Variants in NPAT observed in about 807,000 individuals in gnomAD.
NPAT encodes the protein nuclear protein, coactivator of histone transcription, also known as protein NPAT.
NPAT carries 52 observed loss-of-function variants against 130.7 expected under a neutral mutation model. That is an observed-to-expected ratio of 0.40 (90% confidence interval 0.32 to 0.50). The LOEUF (loss-of-function observed/expected upper bound fraction) is 0.50. Ranked by LOEUF, NPAT falls within the 20% of genes least tolerant of loss-of-function variation. NPAT has a pLI of 0.68. For synonymous variants in NPAT, 580 were observed against 584.8 expected (o/e 0.99, Z 0.12); for missense variants, 1,687 against 1,662.6 (o/e 1.01, Z -0.26).
At chr11:108,214,129 C>T (rs1446295671) in intron 1 of NPAT, among the ~76,000 whole-genome samples, 1 of 152,188 alleles carries the variant, frequency 6.6e-6, no homozygotes, top group East Asian at 1.9e-4. Context: ...CCCCTGGCTT[C>T]AAGCAATCCT....
rs751161125 is a variant in NPAT at position 108,170,020 on chromosome 11, G to C, written c.2809C>G (p.Pro937Ala). The C allele has an allele frequency of 3.2e-5, 52 of 1,612,422 alleles. No homozygotes were observed. The highest frequency in any genetic ancestry group is 4.3e-5 in the Non-Finnish European group (51 of 1,178,682). ...ATTCCTTGGAGTACAGGCTGGACTG[G>C]AGAGGCAATTATTATGGCAGATCCT... The part of the protein sequence containing the change: ...SQGSAIIIAS[P>A]VQPVLQGMVG... Residue 937 changes from proline (P) to alanine (A), a missense_variant, in exon 14 of 18, where the codon CCA becomes GCA. Pro to Ala is a conservative substitution (Grantham distance 27). This residue lies in a region of NPAT where 1,379 missense variants were observed against 1,346.6 expected (regional missense o/e 1.02). Transcript: ENST00000278612.
chr11:108,159,289 T>C (rs548830863), intron 17 of NPAT, among the ~76,000 whole-genome samples: 2 of 152,328 alleles, frequency 1.3e-5, no homozygotes, highest in East Asian at 1.9e-4. Flanking sequence ...TGAGACAAGA[T>C]AGAACATGCT....
chr11:108,206,293 G>T (rs2078324656), intron 1 of NPAT, among the ~76,000 whole-genome samples: 1 of 152,134 alleles, frequency 6.6e-6, no homozygotes, highest in African/African-American at 2.4e-5. Flanking sequence ...GTTTTGCTAG[G>T]GCCTGCTGGG....
chr11:108,212,638 C>G (rs1395528850), intron 1 of NPAT, among the ~76,000 whole-genome samples: 1 of 151,132 alleles, frequency 6.6e-6, no homozygotes, highest in Non-Finnish European at 1.5e-5. Flanking sequence ...AAAACAACAA[C>G]AACAACAACA....
chr11:108,185,565 G>C, intron 8 of NPAT, 71 bp from the exon 9 acceptor site: 5 of 1,028,382 alleles, frequency 4.9e-6, no homozygotes, highest in Non-Finnish European at 7.5e-6. Flanking sequence ...TATAAGAAAA[G>C]AACAAACCGA....
chr11:108,212,460 G>A (rs1314981160), intron 1 of NPAT, among the ~76,000 whole-genome samples: 2 of 151,662 alleles, frequency 1.3e-5, no homozygotes, highest in Non-Finnish European at 2.9e-5. Flanking sequence ...GGGAGGTGGA[G>A]GTTGCAGTGA....
chr11:108,176,139 A>C, intron 12 of NPAT, 107 bp downstream of exon 12: 2 of 859,810 alleles, frequency 2.3e-6, no homozygotes, highest in Non-Finnish European at 3.8e-6. Flanking sequence ...AAAATGACCT[A>C]TAACAATCTG....
At chr11:108,204,646 A>G (rs971667062) in intron 1 of NPAT, among the ~76,000 whole-genome samples, 3 of 152,226 alleles carry the variant, frequency 2.0e-5, no homozygotes, top group Non-Finnish European at 4.4e-5. Flanking sequence ...GCCGCCCCAC[A>G]TGACAGGAAG....
At chr11:108,184,566 T>C (rs1034268175) in intron 10 of NPAT, among the ~76,000 whole-genome samples, 11 of 152,280 alleles carry the variant, frequency 7.2e-5, no homozygotes, top group African/African-American at 2.6e-4. Context: ...GGTCTTGCTC[T>C]GTCACCCAGG....
In NPAT at chr11:108,207,035, A is replaced by G. The variant is rs539623316; in HGVS notation, c.38-9615T>C. Among the ~76,000 whole-genome samples, 4 of 151,692 alleles carry G rather than the reference A, an allele frequency of 2.6e-5. No homozygotes were observed. The South Asian group carries it at 6.3e-4, about 24-fold the overall frequency. ...CAGTGGGTAGCTCCTTTCTGCAGGCAAGTCATCCTGACGAGTGTCCAACTC... is the reference window on the plus strand; with the variant it reads ...CAGTGGGTAGCTCCTTTCTGCAGGCGAGTCATCCTGACGAGTGTCCAACTC... On this transcript the variant is annotated intron_variant, in intron 1 of 17. Coordinates refer to ENST00000278612, the MANE Select transcript of NPAT (RefSeq NM_002519.3).
chr11:108,214,004 C>T (rs2078408955), intron 1 of NPAT, among the ~76,000 whole-genome samples: 1 of 152,126 alleles, frequency 6.6e-6, no homozygotes, highest in Non-Finnish European at 1.5e-5. Flanking sequence ...CCTCCCACTT[C>T]AGCCAACCCA....
At chr11:108,160,424 A>T (rs898235738) in intron 17 of NPAT, among the ~76,000 whole-genome samples, 1 of 152,214 alleles carries the variant, frequency 6.6e-6, no homozygotes, top group Non-Finnish European at 1.5e-5. Context: ...TGGGGGAAAA[A>T]AAAAACTGAA....
rs1465148021 is a variant in NPAT, at chr11:108,189,145, C to T, written c.517G>A (p.Val173Ile). ...QISDPSRSYF[V>I]VVNHSQSQDT... The stretch of plus-strand genomic sequence containing the variant: ...TGTGACTGTGAGTGGTTGACCACTA[C>T]AAAATATGACCTCGATGGATCTGAA... The change falls in exon 6 of 18, where the codon GTA (valine) becomes ATA (isoleucine). Residue 173 changes from valine (V) to isoleucine (I), a missense_variant. Val to Ile is a conservative substitution (Grantham distance 29, BLOSUM62 3). Around this residue, in one of 3 missense-constraint regions of NPAT, gnomAD observed 307 missense variants for 298.9 expected, o/e 1.03. Transcript: ENST00000278612. 3 of 1,614,140 alleles carry T rather than the reference C, an allele frequency of 1.9e-6. No homozygotes were observed. Among genetic ancestry groups the T allele is most frequent in the Non-Finnish European group, 2.5e-6 (3 of 1,180,032 alleles).
At chr11:108,199,125 G>A (rs934889014) in intron 1 of NPAT, among the ~76,000 whole-genome samples, 6 of 152,220 alleles carry the variant, frequency 3.9e-5, no homozygotes, top group Non-Finnish European at 8.8e-5. Context: ...CCATGCTGTG[G>A]GCGGTGGGAA....
At position 108,169,688 on chromosome 11, in the gene NPAT, G is replaced by A. The variant is rs79424426; in HGVS notation, c.3010+56C>T. On this transcript the variant is annotated intron_variant, in intron 15 of 17. Coordinates refer to ENST00000278612, the MANE Select transcript of NPAT (RefSeq NM_002519.3). ...AGAAAGAAAACATTTAGGTGTTGCTGCAAACAAATGAACATACAAACATAA... is the reference window on the plus strand; with the variant it reads ...AGAAAGAAAACATTTAGGTGTTGCTACAAACAAATGAACATACAAACATAA... The A allele has an allele frequency of 2.4e-4, 298 of 1,243,548 alleles. 3 individuals are homozygous for A. In the East Asian group the frequency reaches 6.2e-3, roughly 26 times the overall value. The allele number at this position is 1,243,548 out of a possible 1,614,324, so 77.0% of individuals were successfully genotyped here.
Position 108,173,357 on chromosome 11 carries a change from T to G in NPAT, c.1627A>C (p.Lys543Gln). 6.2e-7 allele frequency: 1 copy of G among 1,613,638 alleles called. No homozygotes were observed. Among genetic ancestry groups the G allele is most frequent in the South Asian group, 1.1e-5 (1 of 91,072 alleles). The change falls in exon 13 of 18, where the codon AAG (lysine) becomes CAG (glutamine). Residue 543 changes from lysine (K) to glutamine (Q), a missense_variant. Physicochemically the swap from Lys to Gln is moderately conservative, Grantham distance 53. Transcript: ENST00000278612. The stretch of plus-strand genomic sequence containing the variant: ...CAAAATTGACTTTTTTTAGATGGCT[T>G]TCCAGTTAATGAAGTATCTTGGGAT... ...LLSQDTSLTG[K>Q]PSKKSQFCEN...
At chr11:108,218,456 GTAATT>G (rs1464694928) in intron 1 of NPAT, among the ~76,000 whole-genome samples, 1 of 152,166 alleles carries the variant, frequency 6.6e-6, no homozygotes, top group East Asian at 1.9e-4. Context: ...AGAAAGATTA[GTAATT>G]TAATGTTCGT....
chr11:108,222,589 AAC>A lies in NPAT; in HGVS notation c.-55_-54del. 7 of 1,602,054 alleles carry A rather than the reference AAC, an allele frequency of 4.4e-6. No homozygotes were observed. Among genetic ancestry groups the A allele is most frequent in the Non-Finnish European group, 5.1e-6 (6 of 1,170,476 alleles). ...AAGGAACAAGACTCAGGTTAAAGCA[AAC>A]ACAGCGACAGCTCCTGCGCCGCATC... On this transcript the variant is annotated 5_prime_UTR_variant, in exon 1 of 18. An upstream open reading frame in the 5' UTR gains an earlier in-frame stop. Coordinates refer to ENST00000278612, the MANE Select transcript of NPAT (RefSeq NM_002519.3).
chr11:108,183,738 T>C (rs994701635), intron 10 of NPAT, among the ~76,000 whole-genome samples: 1 of 152,144 alleles, frequency 6.6e-6, no homozygotes, highest in Non-Finnish European at 1.5e-5. Context: ...GGAGTTGCAG[T>C]GAGCCAAGAT....
Sources: allele counts gnomAD v4.1 joint callset (sites outside exome capture counted in the v4.1 genomes callset), GRCh38; gene constraint gnomAD v4.1.1; regional missense constraint gnomAD v4.1.1; transcripts MANE v1.5; gene names NCBI Gene and HGNC (gene_info 2026-07-23, HGNC 2026-07-21).